The following LGSN variants were observed in gnomAD, a reference collection of about 807,000 sequenced individuals.
LGSN encodes lengsin, lens protein with glutamine synthetase domain, also known as lengsin.
In LGSN, 21 loss-of-function variants were observed where a neutral mutation model predicts 19.5. The observed-to-expected ratio is 1.07, with a 90% CI of 0.76 to 1.55. The LOEUF (loss-of-function observed/expected upper bound fraction) is 1.55, where lower values mean the gene tolerates loss of function less well. Among genes scored for constraint, LGSN ranks in the 40% most tolerant of loss-of-function variants. The pLI, the probability that LGSN is intolerant of heterozygous loss-of-function variation, is 0.00. For synonymous variants in LGSN, 257 were observed against 215.6 expected (o/e 1.19, Z -1.68); for missense variants, 673 against 608.5 (o/e 1.11, Z -1.12).
the LGSN span, among the ~76,000 whole-genome samples, chr6:63,455,653 C>T: frequency 1.3e-5 from 2 of 152,102 alleles, no homozygotes; most frequent in African/African-American, 4.8e-5. Flanking sequence ...ACTTGGGAGG[C>T]TGAGTCAGGA....
chr6:63,539,889 AT>A, the LGSN span, among the ~76,000 whole-genome samples: 1 of 152,356 alleles, frequency 6.6e-6, no homozygotes, highest in African/African-American at 2.4e-5. Context: ...TTTTTAAAAA[AT>A]AATACAGTGA....
chr6:63,340,838 T>TTGTGTGTG, the LGSN span, among the ~76,000 whole-genome samples: 282 of 146,798 alleles, frequency 1.9e-3, no homozygotes, highest in African/African-American at 6.5e-3. Flanking sequence ...TTTTTATGGT[T>TTGTGTGTG]TGTGTGTGTG....
the LGSN span, among the ~76,000 whole-genome samples, chr6:63,358,095 T>C: frequency 1.3e-5 from 2 of 152,236 alleles, no homozygotes; most frequent in African/African-American, 2.4e-5. Flanking sequence ...AGGGAATCCT[T>C]TCCCCATTGC....
chr6:63,413,797 A>G, the LGSN span, among the ~76,000 whole-genome samples: 1 of 152,188 alleles, frequency 6.6e-6, no homozygotes, highest in Non-Finnish European at 1.5e-5. Flanking sequence ...TTTTGCCTTA[A>G]TAGGATAAGA....
chr6:63,433,555 T>A, the LGSN span, among the ~76,000 whole-genome samples: 1 of 152,228 alleles, frequency 6.6e-6, no homozygotes, highest in South Asian at 2.1e-4. Context: ...AGTGAACTAG[T>A]ATTCAATGTG....
chr6:63,477,372 A>T, the LGSN span, among the ~76,000 whole-genome samples: 1 of 152,168 alleles, frequency 6.6e-6, no homozygotes, highest in African/African-American at 2.4e-5. Flanking sequence ...CTATGTAAAA[A>T]CATGTATCTG....
the LGSN span, among the ~76,000 whole-genome samples, chr6:63,557,899 T>G: frequency 6.6e-6 from 1 of 152,102 alleles, no homozygotes; most frequent in Non-Finnish European, 1.5e-5. Context: ...CATATGCTTT[T>G]TTTTTTTTGA....
chr6:63,442,579 T>C, the LGSN span, among the ~76,000 whole-genome samples: 252 of 152,288 alleles, frequency 1.7e-3, no homozygotes, highest in Middle Eastern at 3.4e-3. Flanking sequence ...GAGCACTGAT[T>C]GGTGTGTTTA....
chr6:63,288,276 T>A (rs1369855768), intron 2 of LGSN, among the ~76,000 whole-genome samples: 1 of 144,090 alleles, frequency 6.9e-6, no homozygotes, highest in Admixed American at 6.9e-5. Context: ...TAAATAATAA[T>A]AATATTCATT....
At chr6:63,481,749 G>T in the LGSN span, 1 of 249,090 alleles carries the variant, frequency 4.0e-6, no homozygotes, top group South Asian at 5.1e-5. Flanking sequence ...TAGTTACAGT[G>T]GGATACGGAA....
the LGSN span, among the ~76,000 whole-genome samples, chr6:63,533,558 G>A: frequency 3.5e-3 from 526 of 152,256 alleles, 3 homozygotes; most frequent in African/African-American, 7.4e-3. Flanking sequence ...TATAGTATGC[G>A]TTGTTTAATC....
chr6:63,476,886 A>G, the LGSN span, among the ~76,000 whole-genome samples: 20 of 152,238 alleles, frequency 1.3e-4, no homozygotes, highest in African/African-American at 4.8e-4. Context: ...TTAATTCATC[A>G]TAAACACTTT....
the LGSN span, among the ~76,000 whole-genome samples, chr6:63,358,807 T>A: frequency 6.6e-6 from 1 of 152,132 alleles, no homozygotes; most frequent in African/African-American, 2.4e-5. Context: ...CTCTTTTCCT[T>A]ATTGAATACC....
chr6:63,441,638 A>G, the LGSN span: 5 of 476,848 alleles, frequency 1.0e-5, no homozygotes, highest in South Asian at 6.9e-5. Flanking sequence ...GAAGCGGGAG[A>G]AGGCAGAGGA....
At chr6:63,453,081 A>G in the LGSN span, among the ~76,000 whole-genome samples, 1 of 152,028 alleles carries the variant, frequency 6.6e-6, no homozygotes, top group Non-Finnish European at 1.5e-5. Context: ...TTAGTTTTTT[A>G]ATATTTGGAG....
the LGSN span, among the ~76,000 whole-genome samples, chr6:63,512,656 G>A: frequency 0.051 from 7,715 of 152,236 alleles, 678 homozygotes; most frequent in African/African-American, 0.18. Context: ...AGGCTTTTAT[G>A]AGACTGCAGA....
the LGSN span, among the ~76,000 whole-genome samples, chr6:63,402,400 C>T: frequency 6.7e-6 from 1 of 149,306 alleles, no homozygotes; most frequent in Non-Finnish European, 1.5e-5. Flanking sequence ...TTGACCATGA[C>T]ATCCAAGATA....
intron 1 of LGSN, 82 bp from the exon 2 acceptor site, chr6:63,295,127 T>A: frequency 7.6e-6 from 10 of 1,318,260 alleles, no homozygotes; most frequent in Non-Finnish European, 1.1e-5. Context: ...TATATTTGAA[T>A]AGCTCAATTT....
At chr6:63,503,390 G>A in the LGSN span, among the ~76,000 whole-genome samples, 3 of 152,214 alleles carry the variant, frequency 2.0e-5, no homozygotes, top group Admixed American at 2.0e-4. Context: ...ACTTTGAAAT[G>A]TGCTGATCCA....
Sources: allele counts gnomAD v4.1 joint callset (sites outside exome capture counted in the v4.1 genomes callset), GRCh38; gene constraint gnomAD v4.1.1; transcripts MANE v1.5; gene names NCBI Gene and HGNC (gene_info 2026-07-23, HGNC 2026-07-21).